Variants in HMGN2 observed in about 807,000 individuals in gnomAD.
The protein encoded by HMGN2 is non-histone chromosomal protein HMG-17.
A neutral mutation model predicts 16.9 loss-of-function variants in HMGN2; 2 were observed. The ratio of observed to expected loss-of-function variants is 0.12; its 90% CI spans 0.05 to 0.37. The LOEUF is 0.37. Ranked by LOEUF, HMGN2 falls within the 10% of genes least tolerant of loss-of-function variation. HMGN2 has a pLI of 1.00. For missense variants in HMGN2, 90 were observed against 106.0 expected (o/e 0.85, Z 0.66); for synonymous variants, 31 against 34.9 (o/e 0.89, Z 0.39).
chr1:26,474,349 G>T (rs1404487512), intron 4 of HMGN2, among the ~76,000 whole-genome samples: 1 of 152,144 alleles, frequency 6.6e-6, no homozygotes, highest in Non-Finnish European at 1.5e-5. Context: ...ATACCCCAGG[G>T]TTTAAACTAA....
rs537363759 is a variant in HMGN2, at chr1:26,476,535, T to A, written c.*1387T>A. ...TTTCTCTAAGTGAAATGGCAAGAAGTTATTTGTTAGAATATGGAACTGGTA... is the reference window on the plus strand; with the variant it reads ...TTTCTCTAAGTGAAATGGCAAGAAGATATTTGTTAGAATATGGAACTGGTA... On this transcript the variant is annotated 3_prime_UTR_variant, in exon 6 of 6. Transcript: ENST00000361427. Among the ~76,000 whole-genome samples, 14 of 152,308 alleles carry A rather than the reference T, an allele frequency of 9.2e-5. No individual in the cohort carries two copies. In the South Asian group the frequency reaches 2.3e-3, roughly 25 times the overall value.
intron 1 of HMGN2, chr1:26,473,200 G>A (rs1347403257): frequency 1.6e-5 from 7 of 450,398 alleles, no homozygotes; most frequent in Admixed American, 8.1e-5. Flanking sequence ...CCTCCGGAGG[G>A]GGTTTGTTTG....
chr1:26,475,031 G>A, intron 5 of HMGN2, 82 bp from the exon 6 acceptor site: 1 of 1,155,972 alleles, frequency 8.7e-7, no homozygotes, highest in Non-Finnish European at 1.3e-6. Context: ...TGGCCTGGGA[G>A]CAAAGTGATG....
intron 2 of HMGN2, 72 bp downstream of exon 2, chr1:26,473,599 A>G (rs2075589981): frequency 1.9e-6 from 3 of 1,543,878 alleles, no homozygotes; most frequent in Non-Finnish European, 2.7e-6. Flanking sequence ...ATTAACCGTA[A>G]CCTGTGTCCT....
chr1:26,473,951 A>G, intron 3 of HMGN2, 134 bp from the exon 4 acceptor site: 1 of 831,568 alleles, frequency 1.2e-6, no homozygotes, highest in South Asian at 1.7e-5. Flanking sequence ...ACATTCTAGA[A>G]GAAAGCCAAC....
At position 26,474,135 on chromosome 1, in the gene HMGN2, G is replaced by A. The variant is rs745504197; in HGVS notation, c.141G>A (p.Lys47=). The A allele has an allele frequency of 9.3e-6, 15 of 1,605,568 alleles. No individual in the cohort carries two copies. The highest frequency in any genetic ancestry group is 1.3e-5 in the Non-Finnish European group (15 of 1,176,424). The change falls in exon 4 of 6, where the codon AAG becomes AAA. Residue 47 remains lysine (K), a splice_region_variant and synonymous_variant. Transcript: ENST00000361427. ...CCAAGCCTAAAAAGGCCCCTGCAAAGGTAAGTGCTAACATTGGAACTGATC... is the reference window on the plus strand; with the variant it reads ...CCAAGCCTAAAAAGGCCCCTGCAAAAGTAAGTGCTAACATTGGAACTGATC... The part of the protein sequence containing the change: ...PEPKPKKAPA[K]KGEKVPKGKK...
rs1396025097 is a variant in HMGN2, at chr1:26,474,136, G to GT, written c.141+2dup. The GT allele has an allele frequency of 6.2e-7, 1 of 1,605,242 alleles. No homozygotes were observed. Among genetic ancestry groups the GT allele is most frequent in the African/African-American group, 1.3e-5 (1 of 74,198 alleles). On this transcript the variant is annotated splice_donor_variant, in intron 4 of 5. Coordinates refer to ENST00000361427, the MANE Select transcript of HMGN2 (RefSeq NM_005517.4). LOFTEE classifies it high-confidence loss of function. ...CAAGCCTAAAAAGGCCCCTGCAAAG[G>GT]TAAGTGCTAACATTGGAACTGATCA...
At position 26,474,553 on chromosome 1, in the gene HMGN2, A is replaced by G. The variant is rs1244118262; in HGVS notation, c.142-19A>G. 2 of 1,240,520 alleles carry G rather than the reference A, an allele frequency of 1.6e-6. No individual in the cohort carries two copies. Among genetic ancestry groups the G allele is most frequent in the East Asian group, 2.3e-5 (1 of 42,866 alleles). The allele number at this position is 1,240,520 out of a possible 1,614,324, so 76.8% of individuals were successfully genotyped here. A position where few individuals can be genotyped will look rare whatever the true frequency, so the allele number is the denominator to read the frequency against. Reference sequence around the variant, plus strand: ...ATACGAAATGGGGAGAAACAGTTCTATTTTTTCCCCTTTTTCAGAAGGGAG... The same window carrying G: ...ATACGAAATGGGGAGAAACAGTTCTGTTTTTTCCCCTTTTTCAGAAGGGAG... On this transcript the variant is annotated intron_variant, in intron 4 of 5. Transcript: ENST00000361427.
In HMGN2 at chr1:26,476,067, G is replaced by A. The variant is rs915726471; in HGVS notation, c.*919G>A. The A allele has an allele frequency of 7.4e-5, 13 of 175,436 alleles. No homozygotes were observed. The highest frequency in any genetic ancestry group is 1.6e-4 in the Non-Finnish European group (13 of 82,416). The allele number at this position is 175,436 out of a possible 1,614,324, so 10.9% of individuals were successfully genotyped here. A position where few individuals can be genotyped will look rare whatever the true frequency, so the allele number is the denominator to read the frequency against. On this transcript the variant is annotated 3_prime_UTR_variant, in exon 6 of 6. Coordinates refer to ENST00000361427, the MANE Select transcript of HMGN2 (RefSeq NM_005517.4). ...TCTGCTTTGAGGTACTCCATGTACA[G>A]TCTAATGATGATCTTTCACTGATTT... is the stretch of plus-strand genomic sequence containing the variant.
At chr1:26,473,760 C>T in intron 3 of HMGN2, 28 bp downstream of exon 3, 1 of 1,609,300 alleles carries the variant, frequency 6.2e-7, no homozygotes, top group South Asian at 1.1e-5. Flanking sequence ...AATTTTCGTG[C>T]TTGTCCCTGA....
At position 26,472,545 on chromosome 1, in the gene HMGN2, A is replaced by C; in HGVS notation, c.-68A>C. On this transcript the variant is annotated 5_prime_UTR_variant, in exon 1 of 6. Transcript: ENST00000361427. ...AGAGGCGAGAACGACCCCCGGACCG[A>C]CCAAAGCCCGCGCGCCGCTGCATCC... is the stretch of plus-strand genomic sequence containing the variant. 2 of 1,530,350 alleles carry C rather than the reference A, an allele frequency of 1.3e-6. No homozygotes were observed. Among genetic ancestry groups the C allele is most frequent in the Admixed American group, 2.0e-5 (1 of 51,066 alleles). The allele number at this position is 1,530,350 out of a possible 1,614,324, so 94.8% of individuals were successfully genotyped here.
Position 26,473,484 on chromosome 1 carries a change from C to T in HMGN2, c.17C>T (p.Ala6Val). The T allele has an allele frequency of 6.2e-7, 1 of 1,611,386 alleles. No individual in the cohort carries two copies. Reference sequence around the variant, plus strand: ...GTTTTTTGTTCTTGTTTCTTATAGGCTGAAGGGGATGCTAAGGGAGATAAA... The same window carrying T: ...GTTTTTTGTTCTTGTTTCTTATAGGTTGAAGGGGATGCTAAGGGAGATAAA... The part of the protein sequence containing the change: MPKRK[A>V]EGDAKGDKAK... Residue 6 changes from alanine (A) to valine (V), a missense_variant and splice_region_variant, in exon 2 of 6, where the codon GCT (alanine) becomes GTT (valine). Ala to Val is a moderately conservative substitution (Grantham distance 64). Coordinates refer to ENST00000361427, the MANE Select transcript of HMGN2 (RefSeq NM_005517.4).
Position 26,472,561 on chromosome 1 carries a change from C to CGCTGCATCCCGCGTCCA in HMGN2, c.-49_-33dup. 2 of 1,534,876 alleles carry CGCTGCATCCCGCGTCCA rather than the reference C, an allele frequency of 1.3e-6. No homozygotes were observed. Among genetic ancestry groups the CGCTGCATCCCGCGTCCA allele is most frequent in the Non-Finnish European group, 8.7e-7 (1 of 1,147,428 alleles). On this transcript the variant is annotated 5_prime_UTR_variant, in exon 1 of 6. Transcript: ENST00000361427. ...CCCGGACCGACCAAAGCCCGCGCGC[C>CGCTGCATCCCGCGTCCA]GCTGCATCCCGCGTCCAGCACCTAC...
At chr1:26,472,672 ACCGCCGCCGCCG>A (rs759000520) in intron 1 of HMGN2, 45 bp downstream of exon 1, 1 of 1,474,592 alleles carries the variant, frequency 6.8e-7, no homozygotes, top group African/African-American at 1.6e-5. Context: ...CACTGCCGCC[ACCGCCGCCGCCG>A]CCTCCCTGGT....
In HMGN2 at chr1:26,475,309, G is replaced by A. The variant is rs1175313095; in HGVS notation, c.*161G>A. 7.6e-6 allele frequency: 4 copies of A among 527,302 alleles called. No individual in the cohort carries two copies. The highest frequency in any genetic ancestry group is 1.4e-5 in the Non-Finnish European group (4 of 295,768). The allele number at this position is 527,302 out of a possible 1,614,324, so 32.7% of individuals were successfully genotyped here. A position where few individuals can be genotyped will look rare whatever the true frequency, so the allele number is the denominator to read the frequency against. On this transcript the variant is annotated 3_prime_UTR_variant, in exon 6 of 6. Transcript: ENST00000361427. ...AGAACACTTCATTGTTGTTTTTGGG[G>A]GAAGGGGCATATGTCACTAATAGAA...
rs562057611 is a variant in HMGN2, at chr1:26,473,337, C to T, written c.16-146C>T. 4.7e-6 allele frequency: 3 copies of T among 642,466 alleles called. No individual in the cohort carries two copies. The East Asian group carries it at 8.2e-5, about 18-fold the overall frequency. 39.8% of individuals were successfully genotyped at this position (642,466 alleles called of 1,614,324 possible). A position where few individuals can be genotyped will look rare whatever the true frequency, so the allele number is the denominator to read the frequency against. On this transcript the variant is annotated intron_variant, in intron 1 of 5. Transcript: ENST00000361427. ...CCGGAGCTCCTGCGCGCGCTTCGTT[C>T]TTATACGAACGTCGGGCTCACTCAT...
At chr1:26,474,959 A>G (rs1018352879) in intron 5 of HMGN2, 154 bp from the exon 6 acceptor site, 3 of 663,194 alleles carry the variant, frequency 4.5e-6, no homozygotes, top group Middle Eastern at 2.5e-4. Context: ...TGACTTAGCA[A>G]AGTTACCTAG....
rs1570379467 is a variant in HMGN2 at position 26,475,007 on chromosome 1, T to C, written c.238-106T>C. 3 of 929,008 alleles carry C rather than the reference T, an allele frequency of 3.2e-6. No homozygotes were observed. The East Asian group carries it at 7.2e-5, about 22-fold the overall frequency. The allele number at this position is 929,008 out of a possible 1,614,324, so 57.5% of individuals were successfully genotyped here. On this transcript the variant is annotated intron_variant, in intron 5 of 5. Coordinates refer to ENST00000361427, the MANE Select transcript of HMGN2 (RefSeq NM_005517.4). ...AGAAGAAATACTGAGTCTCAGTACC[T>C]GAAACCTGAACTTTGGCCTGGGAGC...
At position 26,474,763 on chromosome 1, in the gene HMGN2, T is replaced by G. The variant is rs954667877; in HGVS notation, c.237+96T>G. ...CCCTTTTCTTGTATCACTCCAAATG[T>G]ACCATTTGGTCCAGTGTGCTTGTGG... On this transcript the variant is annotated intron_variant, in intron 5 of 5. Transcript: ENST00000361427. 4.3e-6 allele frequency: 3 copies of G among 705,674 alleles called. No homozygotes were observed. In the African/African-American group the frequency reaches 5.2e-5, roughly 12 times the overall value. 43.7% of individuals were successfully genotyped at this position (705,674 alleles called of 1,614,324 possible).
Sources: gnomAD v4.1 joint callset for allele counts (sites outside exome capture counted in the v4.1 genomes callset) on GRCh38, gnomAD v4.1.1 for gene constraint, MANE v1.5 for transcripts, NCBI Gene and HGNC (gene_info 2026-07-23, HGNC 2026-07-21) for gene names.